The following KLHL29 variants were observed in gnomAD, a reference collection of about 807,000 sequenced individuals.
KLHL29 encodes the protein kelch-like protein 29.
In KLHL29, 21 loss-of-function variants were observed where a neutral mutation model predicts 80.4. That is an observed-to-expected ratio of 0.26 (90% confidence interval 0.19 to 0.38). KLHL29 has a LOEUF of 0.38. Ranked by LOEUF, KLHL29 falls within the 10% of genes least tolerant of loss-of-function variation. The pLI, the probability that KLHL29 is intolerant of heterozygous loss-of-function variation, is 1.00. For synonymous variants in KLHL29, 511 were observed against 526.8 expected (o/e 0.97, Z 0.41); for missense variants, 867 against 1,223.9 (o/e 0.71, Z 4.35).
At chr2:23,535,151 G>A (rs1666623526) in intron 2 of KLHL29, among the ~76,000 whole-genome samples, 1 of 152,246 alleles carries the variant, frequency 6.6e-6, no homozygotes, top group Non-Finnish European at 1.5e-5. Flanking sequence ...CTGGATACAG[G>A]GGCCTGTTGT....
chr2:23,530,902 G>A (rs1666470810), intron 2 of KLHL29, among the ~76,000 whole-genome samples: 1 of 152,228 alleles, frequency 6.6e-6, no homozygotes, highest in African/African-American at 2.4e-5. Flanking sequence ...TGGAAAACCT[G>A]AAGCCATACA....
At chr2:23,476,505 C>G (rs527286707) in intron 2 of KLHL29, among the ~76,000 whole-genome samples, 2 of 152,032 alleles carry the variant, frequency 1.3e-5, no homozygotes, top group Non-Finnish European at 2.9e-5. Context: ...GGGTACTGTT[C>G]GGGGGGCATG....
chr2:23,579,255 C>T (rs1423632205), intron 3 of KLHL29, among the ~76,000 whole-genome samples: 1 of 152,222 alleles, frequency 6.6e-6, no homozygotes, highest in Non-Finnish European at 1.5e-5. Context: ...AGAACTTGCT[C>T]AATGCGCTAG....
chr2:23,553,056 G>A (rs578021529), intron 2 of KLHL29, among the ~76,000 whole-genome samples: 57 of 152,230 alleles, frequency 3.7e-4, no homozygotes, highest in African/African-American at 1.3e-3. Flanking sequence ...CACCACTCCC[G>A]GCCACGGCTC....
chr2:23,662,918 G>GA (rs1670453502), intron 5 of KLHL29, among the ~76,000 whole-genome samples: 1 of 152,208 alleles, frequency 6.6e-6, no homozygotes, highest in Non-Finnish European at 1.5e-5. Context: ...AGCAGAACCG[G>GA]ATTCAAATCT....
intron 2 of KLHL29, among the ~76,000 whole-genome samples, chr2:23,514,445 T>C (rs1032323263): frequency 1.3e-5 from 2 of 152,186 alleles, no homozygotes; most frequent in African/African-American, 4.8e-5. Context: ...GCTGGGCTTA[T>C]GGTTTTCCTG....
intron 6 of KLHL29, among the ~76,000 whole-genome samples, chr2:23,686,860 G>GGGT (rs1671284028): frequency 6.6e-6 from 1 of 152,160 alleles, no homozygotes; most frequent in Non-Finnish European, 1.5e-5. Flanking sequence ...GCCAAGCCCA[G>GGGT]GGTGCCCTGT....
At chr2:23,405,726 A>T (rs1195156120) in intron 1 of KLHL29, among the ~76,000 whole-genome samples, 1 of 152,208 alleles carries the variant, frequency 6.6e-6, no homozygotes, top group Non-Finnish European at 1.5e-5. Context: ...ATACTTGGTA[A>T]GGAGCTCAGC....
intron 1 of KLHL29, among the ~76,000 whole-genome samples, chr2:23,436,928 A>G (rs62126855): frequency 0.096 from 14,540 of 152,186 alleles, 887 homozygotes; most frequent in African/African-American, 0.17. Context: ...GAAATGGAGG[A>G]TGAATGATTT....
At chr2:23,464,694 C>G (rs984731732) in intron 1 of KLHL29, among the ~76,000 whole-genome samples, 1 of 152,158 alleles carries the variant, frequency 6.6e-6, no homozygotes, top group South Asian at 2.1e-4. Context: ...ATCCTTCTTT[C>G]CTATAACCCA....
chr2:23,668,426 C>G (rs1339697602), intron 5 of KLHL29: 1 of 152,202 alleles, frequency 6.6e-6, no homozygotes, highest in Non-Finnish European at 1.5e-5. Flanking sequence ...TGCCCCCACC[C>G]CAGCACCTAC....
chr2:23,436,811 G>T (rs552145568), intron 1 of KLHL29, among the ~76,000 whole-genome samples: 34 of 152,338 alleles, frequency 2.2e-4, no homozygotes, highest in African/African-American at 7.9e-4. Flanking sequence ...CATGCCCATA[G>T]CTATAAATTA....
intron 3 of KLHL29, among the ~76,000 whole-genome samples, chr2:23,588,238 C>A (rs1015092849): frequency 6.6e-6 from 1 of 152,184 alleles, no homozygotes; most frequent in Admixed American, 6.5e-5. Flanking sequence ...GAGTGGGCCC[C>A]AGGAGAGAGG....
chr2:23,547,715 G>A (rs149468035), intron 2 of KLHL29, among the ~76,000 whole-genome samples: 1 of 151,860 alleles, frequency 6.6e-6, no homozygotes, highest in Non-Finnish European at 1.5e-5. Flanking sequence ...GCCTAACAGA[G>A]TGCATGTGAA....
intron 2 of KLHL29, among the ~76,000 whole-genome samples, chr2:23,522,086 G>A (rs1450155621): frequency 6.6e-6 from 1 of 152,124 alleles, no homozygotes; most frequent in Non-Finnish European, 1.5e-5. Flanking sequence ...GCATCCATAG[G>A]CTATGAACAA....
chr2:23,590,114 C>T (rs542129400), intron 3 of KLHL29, among the ~76,000 whole-genome samples: 4 of 152,354 alleles, frequency 2.6e-5, no homozygotes, highest in African/African-American at 4.8e-5. Flanking sequence ...GGAAGGGAGA[C>T]GTTCAAGGTC....
chr2:23,509,386 T>C (rs963502841), intron 2 of KLHL29, among the ~76,000 whole-genome samples: 2 of 152,146 alleles, frequency 1.3e-5, no homozygotes, highest in African/African-American at 4.8e-5. Context: ...TACCCTTCCC[T>C]TGCCTTACTC....
chr2:23,387,197 C>T (rs1449894772), intron 1 of KLHL29, among the ~76,000 whole-genome samples: 1 of 152,170 alleles, frequency 6.6e-6, no homozygotes, highest in Non-Finnish European at 1.5e-5. Flanking sequence ...TGGAGGACGC[C>T]GAGCTGCTGC....
At position 23,684,355 on chromosome 2, in the gene KLHL29, C is replaced by T; in HGVS notation, c.941-44C>T. On this transcript the variant is annotated intron_variant, in intron 5 of 13. Coordinates refer to ENST00000486442, the MANE Select transcript of KLHL29 (RefSeq NM_052920.2). The surrounding 1 kb of genome is among the most constrained non-coding windows in gnomAD (Gnocchi z 4.4). ...CTTTTTTTAATTAAAAAAAAAAAAA[C>T]TCTTAATGGGAACCTGGCCCTGTCT... 1 of 1,244,534 alleles carries T rather than the reference C, an allele frequency of 8.0e-7. No individual in the cohort carries two copies. The highest frequency in any genetic ancestry group is 1.0e-6 in the Non-Finnish European group (1 of 964,296). 77.1% of individuals were successfully genotyped at this position (1,244,534 alleles called of 1,614,324 possible). A position where few individuals can be genotyped will look rare whatever the true frequency, so the allele number is the denominator to read the frequency against.
Sources: allele counts gnomAD v4.1 joint callset (sites outside exome capture counted in the v4.1 genomes callset), GRCh38; gene constraint gnomAD v4.1.1; non-coding constraint Gnocchi (gnomAD v3.1); transcripts MANE v1.5; gene names NCBI Gene and HGNC (gene_info 2026-07-23, HGNC 2026-07-21).